The following SNTG1 variants were observed in gnomAD, a reference collection of about 807,000 sequenced individuals.
The protein encoded by SNTG1 is syntrophin gamma 1.
Under a neutral mutation model 74.7 loss-of-function variants are expected in SNTG1, and 39 were observed. The observed-to-expected ratio is 0.52, with a 90% CI of 0.40 to 0.68. The LOEUF (loss-of-function observed/expected upper bound fraction) is 0.68, where lower values mean the gene tolerates loss of function less well. Among genes scored for constraint, SNTG1 ranks in the 30% least tolerant of loss-of-function variants. The pLI is 0.00. For synonymous variants in SNTG1, 254 were observed against 217.1 expected, an observed-to-expected ratio of 1.17 and a Z score of -1.49; for missense variants, 685 against 609.5, an observed-to-expected ratio of 1.12 and a Z score of -1.30.
intron 2 of SNTG1, among the ~76,000 whole-genome samples, chr8:50,360,297 T>A (rs571434231): frequency 6.6e-6 from 1 of 152,266 alleles, no homozygotes; most frequent in African/African-American, 2.4e-5. Context: ...TGATGACTAG[T>A]AGTCATGTGG....
chr8:50,227,903 A>T (rs909525777), intron 2 of SNTG1, among the ~76,000 whole-genome samples: 1 of 139,388 alleles, frequency 7.2e-6, no homozygotes, highest in Admixed American at 7.9e-5. Context: ...CTCCAAAAAA[A>T]ATGACATAAA....
chr8:50,597,964 A>G (rs192865016), intron 13 of SNTG1, among the ~76,000 whole-genome samples: 1 of 151,658 alleles, frequency 6.6e-6, no homozygotes, highest in African/African-American at 2.4e-5. Context: ...GGTTATTAAT[A>G]TCTTGTCTGT....
intron 2 of SNTG1, among the ~76,000 whole-genome samples, chr8:50,372,054 C>T (rs539819106): frequency 3.9e-5 from 6 of 152,122 alleles, no homozygotes; most frequent in Admixed American, 2.6e-4. Flanking sequence ...CTTACCATTG[C>T]CATTTCGTTA....
At chr8:50,784,748 T>G (rs1368062850) in intron 18 of SNTG1, among the ~76,000 whole-genome samples, 1 of 152,182 alleles carries the variant, frequency 6.6e-6, no homozygotes, top group Non-Finnish European at 1.5e-5. Flanking sequence ...TAAAATATGC[T>G]AATATCTAAG....
chr8:50,096,189 C>T (rs2079920004), intron 1 of SNTG1, among the ~76,000 whole-genome samples: 1 of 152,106 alleles, frequency 6.6e-6, no homozygotes, highest in Non-Finnish European at 1.5e-5. Flanking sequence ...CCATCAATGT[C>T]AATATCCATT....
intron 18 of SNTG1, among the ~76,000 whole-genome samples, chr8:50,778,558 C>T (rs374114864): frequency 2.6e-5 from 4 of 151,924 alleles, no homozygotes; most frequent in Middle Eastern, 3.4e-3. Context: ...TTGTTTGTTT[C>T]TTTCTTGTAA....
intron 1 of SNTG1, among the ~76,000 whole-genome samples, chr8:49,965,400 C>A (rs1811050839): frequency 6.6e-6 from 1 of 152,154 alleles, no homozygotes; most frequent in South Asian, 2.1e-4. Flanking sequence ...TTTGCTAATG[C>A]AACAACTCAC....
chr8:50,503,182 A>G (rs1017108363), intron 9 of SNTG1, among the ~76,000 whole-genome samples: 11 of 152,198 alleles, frequency 7.2e-5, no homozygotes, highest in Non-Finnish European at 5.9e-5. Flanking sequence ...TTTCATCAGA[A>G]TATTTGGTGA....
chr8:50,215,785 A>G (rs144113774), intron 2 of SNTG1, among the ~76,000 whole-genome samples: 1 of 152,168 alleles, frequency 6.6e-6, no homozygotes, highest in East Asian at 1.9e-4. Flanking sequence ...TCAGAAGGAG[A>G]TTATGAATTT....
intron 1 of SNTG1, among the ~76,000 whole-genome samples, chr8:49,971,575 G>A (rs892125313): frequency 6.6e-6 from 1 of 152,262 alleles, no homozygotes; most frequent in Middle Eastern, 3.4e-3. Flanking sequence ...AAGTCAAATT[G>A]TCCCTGTTTG....
chr8:50,145,111 C>A, intron 1 of SNTG1, among the ~76,000 whole-genome samples: 1 of 152,130 alleles, frequency 6.6e-6, no homozygotes, highest in East Asian at 1.9e-4. Flanking sequence ...CAATGCCAAC[C>A]ATAGGGAGGA....
intron 1 of SNTG1, among the ~76,000 whole-genome samples, chr8:49,947,167 G>A (rs1484418208): frequency 6.6e-6 from 1 of 151,982 alleles, no homozygotes; most frequent in African/African-American, 2.4e-5. Context: ...CAGGCATGGC[G>A]GCACATGCTT....
intron 18 of SNTG1, among the ~76,000 whole-genome samples, chr8:50,790,625 G>A (rs2095688189): frequency 6.6e-6 from 1 of 151,856 alleles, no homozygotes; most frequent in Non-Finnish European, 1.5e-5. Flanking sequence ...GATCACTGAG[G>A]CAGAGGAAAG....
chr8:50,178,874 C>T (rs1055857932), intron 2 of SNTG1, among the ~76,000 whole-genome samples: 19 of 152,246 alleles, frequency 1.2e-4, no homozygotes, highest in Non-Finnish European at 2.1e-4. Flanking sequence ...TTTACTTTTG[C>T]TGCCTGAGCT....
At position 50,794,858 on chromosome 8, in the gene SNTG1, T is replaced by C. The variant is rs1049043258; in HGVS notation, c.*2029T>C. On this transcript the variant is annotated 3_prime_UTR_variant, in exon 19 of 19. Transcript: ENST00000642720. Reference sequence around the variant, plus strand: ...TTTACCTACCTGTAATAGAATGATTTAAAAATTGTGAAATTTTGTAAACGT... The same window carrying C: ...TTTACCTACCTGTAATAGAATGATTCAAAAATTGTGAAATTTTGTAAACGT... 1.3e-5 allele frequency: 2 copies of C among 152,048 alleles called. No individual in the cohort carries two copies. Among genetic ancestry groups the C allele is most frequent in the African/African-American group, 4.8e-5 (2 of 41,444 alleles). 9.4% of individuals were successfully genotyped at this position (152,048 alleles called of 1,614,324 possible). A position where few individuals can be genotyped will look rare whatever the true frequency, so the allele number is the denominator to read the frequency against.
intron 8 of SNTG1, among the ~76,000 whole-genome samples, chr8:50,485,072 T>C (rs2093778792): frequency 6.6e-6 from 1 of 152,152 alleles, no homozygotes; most frequent in South Asian, 2.1e-4. Context: ...GGGGCCTCAG[T>C]AAACATGTGA....
At chr8:50,507,136 A>AT (rs1006402227) in intron 9 of SNTG1, among the ~76,000 whole-genome samples, 18 of 151,478 alleles carry the variant, frequency 1.2e-4, no homozygotes, top group Admixed American at 3.3e-4. Context: ...ACATAGATAG[A>AT]TTTTTTTTCA....
intron 15 of SNTG1, among the ~76,000 whole-genome samples, chr8:50,689,112 C>T (rs992146665): frequency 6.8e-6 from 1 of 146,432 alleles, no homozygotes; most frequent in Non-Finnish European, 1.5e-5. Flanking sequence ...TATCCTGAGA[C>T]TTTGCTGAAG....
At chr8:50,246,857 C>G (rs188381111) in intron 2 of SNTG1, among the ~76,000 whole-genome samples, 33 of 152,282 alleles carry the variant, frequency 2.2e-4, no homozygotes, top group African/African-American at 7.5e-4. Flanking sequence ...ACTTCAACCT[C>G]TTTTTAGCCA....
Sources: allele counts gnomAD v4.1 joint callset (sites outside exome capture counted in the v4.1 genomes callset), GRCh38; gene constraint gnomAD v4.1.1; transcripts MANE v1.5; gene names NCBI Gene and HGNC (gene_info 2026-07-23, HGNC 2026-07-21).